Variants in DHX37 observed in about 807,000 individuals in gnomAD.
DHX37 encodes the protein DEAH-box helicase 37.
A neutral mutation model predicts 134.3 loss-of-function variants in DHX37; 52 were observed. That is an observed-to-expected ratio of 0.39 (90% CI 0.31 to 0.49). DHX37 has a LOEUF of 0.49. Ranked by LOEUF, DHX37 falls within the 20% of genes least tolerant of loss-of-function variation. DHX37 has a pLI of 0.93. For missense variants in DHX37, 1,344 were observed against 1,580.8 expected (o/e 0.85, Z 2.54); for synonymous variants, 634 against 670.7 (o/e 0.95, Z 0.85).
In DHX37 at chr12:124,952,050, G is replaced by A. The variant is rs541384047; in HGVS notation, c.2868+348C>T. Reference sequence around the variant, plus strand: ...CAGTCCCAACTACTCAGGAGGCTGTGGCGAGAAGGTTATTTGTGCCTGGGA... The same window carrying A: ...CAGTCCCAACTACTCAGGAGGCTGTAGCGAGAAGGTTATTTGTGCCTGGGA... On this transcript the variant is annotated intron_variant, in intron 21 of 26. Transcript: ENST00000308736. Among the ~76,000 whole-genome samples the A allele has an allele frequency of 3.9e-5, 6 of 152,222 alleles. No individual in the cohort carries two copies. The South Asian group carries it at 1.0e-3, about 26-fold the overall frequency.
chr12:124,966,716 G>T, intron 12 of DHX37, 77 bp downstream of exon 12: 4 of 1,436,736 alleles, frequency 2.8e-6, no homozygotes, highest in Non-Finnish European at 3.9e-6. Context: ...AACCTAAGCA[G>T]CCACATGGGG....
chr12:124,981,217 T>C (rs993676859), intron 3 of DHX37, among the ~76,000 whole-genome samples: 2 of 152,104 alleles, frequency 1.3e-5, no homozygotes, highest in African/African-American at 4.8e-5. Context: ...TGTGCACTGC[T>C]CTATCCCCAG....
intron 25 of DHX37, 143 bp from the exon 26 acceptor site, chr12:124,948,324 C>G: frequency 7.2e-7 from 1 of 1,394,220 alleles, no homozygotes; most frequent in Non-Finnish European, 9.5e-7. Context: ...GTGACATGCA[C>G]CTGTAGCCCC....
Position 124,964,954 on chromosome 12 carries a change from C to T in DHX37, c.1788G>A (p.Leu596=). 1.3e-6 allele frequency: 2 copies of T among 1,597,536 alleles called. No homozygotes were observed. Among genetic ancestry groups the T allele is most frequent in the Non-Finnish European group, 8.5e-7 (1 of 1,173,778 alleles). The change falls in exon 14 of 27, where the codon CTG becomes CTA. Residue 596 remains leucine, a synonymous_variant. Coordinates refer to ENST00000308736, the MANE Select transcript of DHX37 (RefSeq NM_032656.4). Reference sequence around the variant, plus strand: ...CCTGTGCTTGCTTCTCTGGGGCCAGCAGAGAGTACAGCGGGAGCACGTGGA... The same window carrying T: ...CCTGTGCTTGCTTCTCTGGGGCCAGTAGAGAGTACAGCGGGAGCACGTGGA... The part of the protein sequence containing the change: ...LPLHVLPLYS[L]LAPEKQAQVF...
chr12:124,962,978 T>C (rs1954297414), intron 15 of DHX37, among the ~76,000 whole-genome samples: 1 of 152,216 alleles, frequency 6.6e-6, no homozygotes, highest in Non-Finnish European at 1.5e-5. Flanking sequence ...AGAGTTACCA[T>C]ACGGCCCAGC....
At chr12:124,976,600 C>T (rs571328662) in intron 5 of DHX37, among the ~76,000 whole-genome samples, 59 of 152,244 alleles carry the variant, frequency 3.9e-4, no homozygotes, top group Middle Eastern at 6.8e-3. Flanking sequence ...GAGGCCGAGG[C>T]AGGCGGATCA....
intron 6 of DHX37, among the ~76,000 whole-genome samples, chr12:124,973,647 T>A (rs1250576235): frequency 6.9e-6 from 1 of 145,210 alleles, no homozygotes; most frequent in African/African-American, 2.6e-5. Flanking sequence ...GCTTTTTTTT[T>A]TTTTTTTTTT....
chr12:124,959,105 G>T (rs1352817106), intron 16 of DHX37, among the ~76,000 whole-genome samples: 1 of 133,868 alleles, frequency 7.5e-6, no homozygotes, highest in East Asian at 2.2e-4. Flanking sequence ...ACGGAGTCTC[G>T]CCCTGTCACC....
chr12:124,983,386 C>T (rs993108030), intron 2 of DHX37, among the ~76,000 whole-genome samples: 4 of 149,522 alleles, frequency 2.7e-5, no homozygotes, highest in Non-Finnish European at 4.4e-5. Context: ...CGTGAGCCAC[C>T]GCGCCCAGCC....
At chr12:124,957,618 C>G (rs1282453042) in intron 16 of DHX37, among the ~76,000 whole-genome samples, 2 of 152,054 alleles carry the variant, frequency 1.3e-5, no homozygotes, top group Non-Finnish European at 1.5e-5. Flanking sequence ...AAACCCCCAT[C>G]TCTACTAAAA....
intron 16 of DHX37, among the ~76,000 whole-genome samples, chr12:124,959,944 AG>A (rs1954195169): frequency 6.6e-6 from 1 of 152,186 alleles, no homozygotes; most frequent in East Asian, 1.9e-4. Flanking sequence ...GCCCTGGAGC[AG>A]GGGGAGGGAG....
chr12:124,966,721 A>T lies in DHX37; in HGVS notation c.1590+72T>A. 2.7e-6 allele frequency: 4 copies of T among 1,481,272 alleles called. No individual in the cohort carries two copies. In the South Asian group the frequency reaches 3.4e-5, roughly 13 times the overall value. 91.8% of individuals were successfully genotyped at this position (1,481,272 alleles called of 1,614,324 possible). ...ATTACACTTAAACCTAAGCAGCCAC[A>T]TGGGGCTGGTAGCTGCCATCCTGGA... On this transcript the variant is annotated intron_variant, in intron 12 of 26. Transcript: ENST00000308736.
chr12:124,956,702 C>T lies in DHX37; in HGVS notation c.2442G>A (p.Glu814=), dbSNP rs111567814. ...VASMTVRELF[E]ELDRPAASDE... ...CGCCAACCTCGCACCTGTCCAGCTC[C>T]TCAAACAGCTCCCGCACCGTCATGC... The change falls in exon 18 of 27, where the codon GAG becomes GAA. Residue 814 remains glutamate, a synonymous_variant. Transcript: ENST00000308736. 4 of 1,571,904 alleles carry T rather than the reference C, an allele frequency of 2.5e-6. No homozygotes were observed.
chr12:124,949,965 G>A lies in DHX37; in HGVS notation c.3290+21C>T, dbSNP rs1400770433. On this transcript the variant is annotated intron_variant, in intron 25 of 26. Transcript: ENST00000308736. The surrounding 1 kb of genome is among the most constrained non-coding windows in gnomAD (Gnocchi z 4.0). Reference sequence around the variant, plus strand: ...CTCGGACCCCTCCTGCCCACTGCGAGGCTCCCACCGAAGGCAGTACCTGGC... The same window carrying A: ...CTCGGACCCCTCCTGCCCACTGCGAAGCTCCCACCGAAGGCAGTACCTGGC... 4 of 1,597,088 alleles carry A rather than the reference G, an allele frequency of 2.5e-6. No homozygotes were observed. Among genetic ancestry groups the A allele is most frequent in the Middle Eastern group, 1.7e-4 (1 of 6,024 alleles).
chr12:124,953,980 A>G lies in DHX37; in HGVS notation c.2595T>C (p.Cys865=). ...ACTGGGGTGTGCAGCTGGCATACTC[A>G]CAGGCTCCCACGGCGCCTGGGGAAC... ...LMVLLGAVGA[C]EYASCTPQFC... is the part of the protein sequence containing the mutation. The change falls in exon 20 of 27, where the codon TGT becomes TGC. Residue 865 remains cysteine (C), a synonymous_variant. Transcript: ENST00000308736. The G allele has an allele frequency of 6.2e-7, 1 of 1,613,432 alleles. No homozygotes were observed. Among genetic ancestry groups the G allele is most frequent in the Non-Finnish European group, 8.5e-7 (1 of 1,179,928 alleles).
rs142906403 is a variant in DHX37 at position 124,950,973 on chromosome 12, G to A, written c.2869-169C>T. Among the ~76,000 whole-genome samples, 16 of 152,322 alleles carry A rather than the reference G, an allele frequency of 1.1e-4. No individual in the cohort carries two copies. The East Asian group carries it at 2.1e-3, about 20-fold the overall frequency. ...CCACACGCTGGAGTCTGATCCAGCC[G>A]TGAAAAGGAAGGAAGTGCCGGGTGC... On this transcript the variant is annotated intron_variant, in intron 21 of 26. Transcript: ENST00000308736.
chr12:124,961,232 ACACACATACACGCGTGCACGCACG>A (rs1954245202), intron 15 of DHX37, among the ~76,000 whole-genome samples: 1 of 130,754 alleles, frequency 7.6e-6, no homozygotes, highest in Non-Finnish European at 1.6e-5. Flanking sequence ...ACGCACGCAC[ACACACATACACGCGTGCACGCACG>A]CACACACATA....
Position 124,964,773 on chromosome 12 carries a change from GAGGGT to G in DHX37, c.1812+152_1813-148del. Reference sequence around the variant, plus strand: ...CCATCTGGGGCCCAGTGCCTTGGGGGAGGGTTCCCTATTCTCCAAAACTACCCCAA... The same window carrying G: ...CCATCTGGGGCCCAGTGCCTTGGGGGTCCCTATTCTCCAAAACTACCCCAA... On this transcript the variant is annotated intron_variant, in intron 14 of 26. Transcript: ENST00000308736. 6 of 1,455,836 alleles carry G rather than the reference GAGGGT, an allele frequency of 4.1e-6. No individual in the cohort carries two copies. In the South Asian group the frequency reaches 8.1e-5, roughly 20 times the overall value. 90.2% of individuals were successfully genotyped at this position (1,455,836 alleles called of 1,614,324 possible).
At chr12:124,958,668 C>T (rs1278201195) in intron 16 of DHX37, among the ~76,000 whole-genome samples, 1 of 152,088 alleles carries the variant, frequency 6.6e-6, no homozygotes, top group Admixed American at 6.6e-5. Context: ...GCTATATCGC[C>T]CAGGCTAGAG....
Sources: allele counts gnomAD v4.1 joint callset (sites outside exome capture counted in the v4.1 genomes callset), GRCh38; gene constraint gnomAD v4.1.1; non-coding constraint Gnocchi (gnomAD v3.1); transcripts MANE v1.5; gene names NCBI Gene and HGNC (gene_info 2026-07-23, HGNC 2026-07-21).